Variants in YEATS4 observed in about 807,000 individuals in gnomAD.
YEATS4 encodes YEATS domain-containing protein 4.
In YEATS4, 17 loss-of-function variants were observed where a neutral mutation model predicts 30.1. The ratio of observed to expected loss-of-function variants is 0.56; its 90% CI spans 0.39 to 0.85. YEATS4 has a LOEUF of 0.85. YEATS4 is among the 40% of genes least tolerant of loss of function. The pLI is 0.00. For synonymous variants in YEATS4, 85 were observed against 87.5 expected, an observed-to-expected ratio of 0.97 and a Z score of 0.16; for missense variants, 142 against 268.3, an observed-to-expected ratio of 0.53 and a Z score of 3.29.
the YEATS4 span, among the ~76,000 whole-genome samples, chr12:69,411,124 T>A: frequency 6.6e-6 from 1 of 152,160 alleles, no homozygotes; most frequent in African/African-American, 2.4e-5. Context: ...AAGTACTGTT[T>A]TTTGTTGTTG....
the YEATS4 span, among the ~76,000 whole-genome samples, chr12:69,402,878 A>G: frequency 6.6e-6 from 1 of 151,232 alleles, no homozygotes; most frequent in Non-Finnish European, 1.5e-5. Flanking sequence ...ATGTGCCACC[A>G]CGCCTGGCTA....
At chr12:69,401,076 G>A in the YEATS4 span, 64,062 of 151,788 alleles carry the variant, frequency 0.42, 15,024 homozygotes, top group South Asian at 0.64. Flanking sequence ...GTTACCTAAG[G>A]AAGGGTGAGC....
At chr12:69,404,043 A>G in the YEATS4 span, among the ~76,000 whole-genome samples, 1 of 151,692 alleles carries the variant, frequency 6.6e-6, no homozygotes, top group African/African-American at 2.4e-5. Flanking sequence ...CTAAGGTTCT[A>G]TTCTGAACCA....
the YEATS4 span, among the ~76,000 whole-genome samples, chr12:69,400,659 G>A: frequency 6.6e-6 from 1 of 150,476 alleles, no homozygotes; most frequent in Non-Finnish European, 1.5e-5. Context: ...AACAGCCTAG[G>A]CAACATAGCA....
chr12:69,381,597 A>G (rs1419479183), intron 6 of YEATS4, among the ~76,000 whole-genome samples: 1 of 152,210 alleles, frequency 6.6e-6, no homozygotes, highest in East Asian at 1.9e-4. Flanking sequence ...GGGAAGTGAT[A>G]AGTGTCCATG....
the YEATS4 span, among the ~76,000 whole-genome samples, chr12:69,411,376 C>T: frequency 6.6e-6 from 1 of 152,154 alleles, no homozygotes; most frequent in African/African-American, 2.4e-5. Flanking sequence ...GCAATCCTCC[C>T]ACCTTGGCCT....
At chr12:69,365,347 A>T (rs1036198201) in intron 2 of YEATS4, among the ~76,000 whole-genome samples, 3 of 151,688 alleles carry the variant, frequency 2.0e-5, no homozygotes, top group Admixed American at 2.0e-4. Context: ...GCTACTCAGG[A>T]GGCTGAGGCA....
the YEATS4 span, chr12:69,401,152 GA>G: frequency 1.3e-4 from 19 of 151,094 alleles, no homozygotes; most frequent in African/African-American, 4.6e-4. Context: ...TCATACCTGT[GA>G]ATAGACACTG....
At chr12:69,418,886 T>G in the YEATS4 span, among the ~76,000 whole-genome samples, 6 of 151,724 alleles carry the variant, frequency 4.0e-5, no homozygotes, top group Admixed American at 3.3e-4. Context: ...GAGTTCAAGT[T>G]CAGCCTGGGC....
intron 2 of YEATS4, among the ~76,000 whole-genome samples, chr12:69,364,682 T>C (rs642786): frequency 0.46 from 70,089 of 152,064 alleles, 16,198 homozygotes; most frequent in Non-Finnish European, 0.5. Context: ...TGCAATGGTG[T>C]GATCTCAGCT....
chr12:69,368,253 C>T (rs776066805), intron 4 of YEATS4, among the ~76,000 whole-genome samples: 44 of 152,072 alleles, frequency 2.9e-4, no homozygotes, highest in Non-Finnish European at 5.9e-5. Flanking sequence ...CTTCTGCTAC[C>T]CAGTAACCTA....
the YEATS4 span, among the ~76,000 whole-genome samples, chr12:69,410,255 A>C: frequency 1.3e-5 from 2 of 151,912 alleles, no homozygotes; most frequent in African/African-American, 2.4e-5. Context: ...GTCACTCCCT[A>C]CTCCCACTTT....
At chr12:69,360,296 A>G (rs1875142094) in intron 1 of YEATS4, among the ~76,000 whole-genome samples, 2 of 152,160 alleles carry the variant, frequency 1.3e-5, no homozygotes. Flanking sequence ...TGCCAAGGAA[A>G]CGGGCGACTC....
chr12:69,384,249 A>G (rs1257459756), intron 6 of YEATS4, among the ~76,000 whole-genome samples: 1 of 152,222 alleles, frequency 6.6e-6, no homozygotes, highest in Non-Finnish European at 1.5e-5. Flanking sequence ...GTGCCCATTC[A>G]TGGCAGAAAA....
chr12:69,409,821 C>T, the YEATS4 span, among the ~76,000 whole-genome samples: 1 of 149,784 alleles, frequency 6.7e-6, no homozygotes. Context: ...AAAATTAGGT[C>T]ATTAGGGTGG....
chr12:69,370,610 A>G, intron 4 of YEATS4, 96 bp from the exon 5 acceptor site: 2 of 1,003,136 alleles, frequency 2.0e-6, no homozygotes, highest in Non-Finnish European at 2.8e-6. Flanking sequence ...TGACATGTAT[A>G]TACTTATTCC....
chr12:69,399,261 A>G, the YEATS4 span, among the ~76,000 whole-genome samples: 2 of 152,188 alleles, frequency 1.3e-5, no homozygotes, highest in Admixed American at 6.5e-5. Context: ...TGCAACTCAT[A>G]TATCTGACAA....
chr12:69,392,008 A>G (rs1267746471), downstream of YEATS4, among the ~76,000 whole-genome samples: 3 of 152,302 alleles, frequency 2.0e-5, no homozygotes, highest in South Asian at 2.1e-4. Flanking sequence ...GTTGGCTTTA[A>G]TCTTGGTAGG....
the YEATS4 span, among the ~76,000 whole-genome samples, chr12:69,417,088 A>T: frequency 6.6e-6 from 1 of 151,848 alleles, no homozygotes; most frequent in Non-Finnish European, 1.5e-5. Context: ...TTAAAAATAA[A>T]TAAGTAAATA....
Sources: allele counts gnomAD v4.1 joint callset (sites outside exome capture counted in the v4.1 genomes callset), GRCh38; gene constraint gnomAD v4.1.1; transcripts MANE v1.5; gene names NCBI Gene and HGNC (gene_info 2026-07-23, HGNC 2026-07-21).